PKHD1: variants seen among roughly 807,000 people sequenced by gnomAD.
The protein encoded by PKHD1 is PKHD1 ciliary IPT domain containing fibrocystin/polyductin, also known as fibrocystin.
A neutral mutation model predicts 412.0 loss-of-function variants in PKHD1; 291 were observed. The ratio of observed to expected loss-of-function variants is 0.71; its 90% CI spans 0.64 to 0.78. The LOEUF (loss-of-function observed/expected upper bound fraction) is 0.78. PKHD1 is among the 30% of genes least tolerant of loss of function. PKHD1 has a pLI of 0.00. For missense variants in PKHD1, 4,825 were observed against 4,950.7 expected (o/e 0.97, Z 0.76); for synonymous variants, 1,777 against 1,821.5 (o/e 0.98, Z 0.62).
In PKHD1 at chr6:51,702,634, C is replaced by A. The variant is rs1046756101; in HGVS notation, c.10156+41751G>T. ...ATTAGAAACTAATTAAAATATAATA[C>A]AAATTTTAATAACTGAACAAGAAAC... is the stretch of plus-strand genomic sequence containing the variant. On this transcript the variant is annotated intron_variant, in intron 60 of 66. Coordinates refer to ENST00000371117, the MANE Select transcript of PKHD1 (RefSeq NM_138694.4). Among the ~76,000 whole-genome samples the A allele has an allele frequency of 2.6e-5, 4 of 151,910 alleles. No homozygotes were observed. In the East Asian group the frequency reaches 7.7e-4, roughly 29 times the overall value.
At chr6:51,673,565 C>T (rs1226943544) in intron 60 of PKHD1, among the ~76,000 whole-genome samples, 1 of 152,158 alleles carries the variant, frequency 6.6e-6, no homozygotes, top group Non-Finnish European at 1.5e-5. Context: ...AGTTAGCCAC[C>T]TTAAGAAAAT....
chr6:51,640,064 T>C (rs2580017), intron 63 of PKHD1, among the ~76,000 whole-genome samples: 6,498 of 152,248 alleles, frequency 0.043, 233 homozygotes, highest in African/African-American at 0.092. Flanking sequence ...AAATGATAGG[T>C]GCCCAAGATA....
chr6:51,885,861 G>A lies in PKHD1; in HGVS notation c.7215+6C>T. ...CAACAATAACAACAACAACAAAAAAGCTTACCTGGGCACCACCTGCACTTT... is the reference window on the plus strand; with the variant it reads ...CAACAATAACAACAACAACAAAAAAACTTACCTGGGCACCACCTGCACTTT... On this transcript the variant is annotated splice_donor_region_variant and intron_variant, in intron 45 of 66. Transcript: ENST00000371117. The A allele has an allele frequency of 6.3e-7, 1 of 1,576,564 alleles. No individual in the cohort carries two copies. Among genetic ancestry groups the A allele is most frequent in the South Asian group, 1.1e-5 (1 of 89,606 alleles).
intron 35 of PKHD1, among the ~76,000 whole-genome samples, chr6:51,981,084 C>G (rs1795083248): frequency 6.6e-6 from 1 of 151,908 alleles, no homozygotes; most frequent in South Asian, 2.1e-4. Flanking sequence ...CGTTTATAAC[C>G]TATTTGGAAC....
intron 40 of PKHD1, among the ~76,000 whole-genome samples, chr6:51,908,860 C>T (rs965486633): frequency 6.6e-6 from 1 of 152,106 alleles, no homozygotes; most frequent in East Asian, 1.9e-4. Flanking sequence ...TGGACTCCCA[C>T]AGTGTTGATA....
chr6:52,037,661 A>T (rs1462573518), intron 27 of PKHD1, among the ~76,000 whole-genome samples: 2 of 152,240 alleles, frequency 1.3e-5, no homozygotes, highest in Non-Finnish European at 2.9e-5. Flanking sequence ...TAAAATAGGT[A>T]AGTGTCAAAA....
intron 60 of PKHD1, among the ~76,000 whole-genome samples, chr6:51,675,439 C>T (rs563185578): frequency 2.0e-5 from 3 of 152,288 alleles, no homozygotes; most frequent in African/African-American, 7.2e-5. Context: ...GTCTGCAATT[C>T]TGATCATTTT....
intron 35 of PKHD1, among the ~76,000 whole-genome samples, chr6:51,961,382 A>C (rs1561994564): frequency 6.6e-6 from 1 of 152,146 alleles, no homozygotes; most frequent in Non-Finnish European, 1.5e-5. Context: ...AAAGAAGTAA[A>C]AGTCTATGAC....
At chr6:51,640,582 T>G (rs950898161) in intron 63 of PKHD1, among the ~76,000 whole-genome samples, 3 of 151,880 alleles carry the variant, frequency 2.0e-5, no homozygotes, top group Non-Finnish European at 2.9e-5. Context: ...TGGGATGGGG[T>G]GGGGTGCTGG....
At chr6:51,721,828 A>G in intron 60 of PKHD1, 1 of 1,505,540 alleles carries the variant, frequency 6.6e-7, no homozygotes, top group Non-Finnish European at 8.8e-7. Context: ...GCTGCCATCA[A>G]TCTCCTCCCA....
chr6:52,055,840 G>C, intron 18 of PKHD1, 111 bp from the exon 19 acceptor site: 1 of 1,150,176 alleles, frequency 8.7e-7, no homozygotes, highest in South Asian at 1.5e-5. Flanking sequence ...GAAAACCCCC[G>C]TTCTAACCCA....
intron 43 of PKHD1, among the ~76,000 whole-genome samples, chr6:51,899,231 C>T (rs1041550368): frequency 2.0e-5 from 3 of 151,930 alleles, no homozygotes; most frequent in Non-Finnish European, 4.4e-5. Flanking sequence ...AACTTTACAC[C>T]AATATCCTTG....
At chr6:51,861,849 ATCTT>A (rs1056262962) in intron 48 of PKHD1, among the ~76,000 whole-genome samples, 5 of 152,176 alleles carry the variant, frequency 3.3e-5, no homozygotes, top group Admixed American at 2.6e-4. Context: ...TGCCCATTCT[ATCTT>A]AATATATGAA....
intron 50 of PKHD1, among the ~76,000 whole-genome samples, chr6:51,840,462 A>G (rs577725177): frequency 1.3e-5 from 2 of 152,178 alleles, no homozygotes; most frequent in Non-Finnish European, 2.9e-5. Context: ...TGCATTAGCC[A>G]CAATCCTGAA....
At chr6:51,746,640 C>A (rs903242574) in intron 59 of PKHD1, 81 bp downstream of exon 59, 4 of 895,286 alleles carry the variant, frequency 4.5e-6, no homozygotes, top group Middle Eastern at 2.7e-4. Flanking sequence ...GATTTTATTC[C>A]TTTCAAAAAA....
At chr6:52,031,767 C>T (rs544056017) in intron 29 of PKHD1, among the ~76,000 whole-genome samples, 1 of 152,314 alleles carries the variant, frequency 6.6e-6, no homozygotes, top group Admixed American at 6.5e-5. Context: ...TCCCAAAAGG[C>T]TACGACACTT....
chr6:51,690,898 T>C (rs368419411), intron 60 of PKHD1, among the ~76,000 whole-genome samples: 3 of 151,810 alleles, frequency 2.0e-5, no homozygotes, highest in Admixed American at 2.0e-4. Flanking sequence ...TGGGAGAAAG[T>C]TTTTGCAAAC....
At chr6:51,652,160 T>C (rs2580006) in intron 61 of PKHD1, among the ~76,000 whole-genome samples, 8,915 of 152,204 alleles carry the variant, frequency 0.059, 312 homozygotes, top group Non-Finnish European at 0.078. Context: ...ATTTAATAGC[T>C]TCCAATACCC....
chr6:52,030,683 G>A (rs1802907644), intron 29 of PKHD1, among the ~76,000 whole-genome samples: 1 of 151,960 alleles, frequency 6.6e-6, no homozygotes, highest in African/African-American at 2.4e-5. Flanking sequence ...CTGGGAGGGG[G>A]TGGGAAGATG....
Sources: allele counts gnomAD v4.1 joint callset (sites outside exome capture counted in the v4.1 genomes callset), GRCh38; gene constraint gnomAD v4.1.1; transcripts MANE v1.5; gene names NCBI Gene and HGNC (gene_info 2026-07-23, HGNC 2026-07-21).